FAM169A: variants seen among roughly 807,000 people sequenced by gnomAD.
FAM169A encodes soluble lamin-associated protein of 75 kDa.
A neutral mutation model predicts 75.7 loss-of-function variants in FAM169A; 24 were observed. The observed-to-expected ratio is 0.32, with a 90% CI of 0.23 to 0.45. The LOEUF (loss-of-function observed/expected upper bound fraction) is 0.45, where lower values mean the gene tolerates loss of function less well. Ranked by LOEUF, FAM169A falls within the 20% of genes least tolerant of loss-of-function variation. The pLI is 1.00. For missense variants in FAM169A, 673 were observed against 784.0 expected (o/e 0.86, Z 1.69); for synonymous variants, 271 against 271.0 (o/e 1.00, Z 0.00).
rs1255487052 is a variant in FAM169A, at chr5:74,777,876, A to G, written c.*3584T>C. ...CATTTTTTCTAAGTTCTATAAATAT[A>G]TACTGGAAGTTTTAGAACACATACA... is the stretch of plus-strand genomic sequence containing the variant. On this transcript the variant is annotated 3_prime_UTR_variant, in exon 13 of 13. Transcript: ENST00000687041. 1 of 152,100 alleles carries G rather than the reference A, an allele frequency of 6.6e-6. No individual in the cohort carries two copies. Among genetic ancestry groups the G allele is most frequent in the African/African-American group, 2.4e-5 (1 of 41,454 alleles). 9.4% of individuals were successfully genotyped at this position (152,100 alleles called of 1,614,324 possible). A position where few individuals can be genotyped will look rare whatever the true frequency, so the allele number is the denominator to read the frequency against.
intron 5 of FAM169A, among the ~76,000 whole-genome samples, chr5:74,823,396 A>T (rs1246089094): frequency 1.3e-5 from 2 of 152,166 alleles, no homozygotes; most frequent in African/African-American, 2.4e-5. Context: ...CTACTTTTAA[A>T]TATCACTTTC....
intron 4 of FAM169A, among the ~76,000 whole-genome samples, chr5:74,836,030 T>C (rs1322697404): frequency 6.6e-6 from 1 of 152,234 alleles, no homozygotes; most frequent in Non-Finnish European, 1.5e-5. Flanking sequence ...TCTTGCCATT[T>C]CAGTGCTCTC....
At chr5:74,785,962 ATAAACAT>A (rs1483971826) in intron 11 of FAM169A, among the ~76,000 whole-genome samples, 3 of 152,158 alleles carry the variant, frequency 2.0e-5, no homozygotes, top group African/African-American at 7.2e-5. Context: ...CTATAAGGAG[ATAAACAT>A]TTGAGTCAGT....
intron 11 of FAM169A, among the ~76,000 whole-genome samples, chr5:74,785,733 G>A (rs1304881824): frequency 3.3e-5 from 5 of 152,214 alleles, no homozygotes; most frequent in Non-Finnish European, 5.9e-5. Flanking sequence ...CTGCACTCCA[G>A]CCTGCATGAC....
intron 1 of FAM169A, among the ~76,000 whole-genome samples, chr5:74,856,261 T>G (rs1243527843): frequency 6.6e-6 from 1 of 152,210 alleles, no homozygotes; most frequent in Admixed American, 6.5e-5. Flanking sequence ...CTTTGGCTAT[T>G]CTGGGGTCTT....
At chr5:74,799,005 T>A (rs1416478796) in intron 10 of FAM169A, 2 of 1,190,762 alleles carry the variant, frequency 1.7e-6, no homozygotes, top group Non-Finnish European at 2.5e-6. Context: ...TGTCACTGCA[T>A]CAGTTTTTAC....
intron 1 of FAM169A, among the ~76,000 whole-genome samples, chr5:74,862,805 G>A (rs186432675): frequency 4.6e-5 from 7 of 152,136 alleles, no homozygotes; most frequent in Admixed American, 1.3e-4. Flanking sequence ...TTCCCAACTC[G>A]TATTTTCAAA....
At chr5:74,782,803 A>G in intron 12 of FAM169A, 128 bp downstream of exon 12, 1 of 560,946 alleles carries the variant, frequency 1.8e-6, no homozygotes. Context: ...CAAATCTAGT[A>G]TAAAAGTTAA....
At chr5:74,839,141 A>G in intron 3 of FAM169A, 91 bp from the exon 4 acceptor site, 1 of 881,540 alleles carries the variant, frequency 1.1e-6, no homozygotes, top group Admixed American at 1.9e-5. Flanking sequence ...GTATCCATAT[A>G]CTTTATATTT....
chr5:74,837,038 C>T (rs1195076215), intron 4 of FAM169A, among the ~76,000 whole-genome samples: 1 of 152,028 alleles, frequency 6.6e-6, no homozygotes, highest in Non-Finnish European at 1.5e-5. Flanking sequence ...TTTGACTCCT[C>T]CTCTTTTCCC....
chr5:74,866,869 C>G (rs531668041), upstream of FAM169A: 1 of 985,396 alleles, frequency 1.0e-6, no homozygotes, highest in Admixed American at 6.1e-5. Context: ...GCAGAGGGCA[C>G]GGGCGAGGAC....
intron 5 of FAM169A, among the ~76,000 whole-genome samples, chr5:74,821,695 AAC>A (rs1477064695): frequency 1.3e-5 from 2 of 152,212 alleles, no homozygotes; most frequent in Non-Finnish European, 2.9e-5. Context: ...TGTTCAAATT[AAC>A]AGTTACACGT....
At chr5:74,856,814 A>C (rs551068171) in intron 1 of FAM169A, among the ~76,000 whole-genome samples, 1 of 136,354 alleles carries the variant, frequency 7.3e-6, no homozygotes, top group African/African-American at 3.1e-5. Context: ...ACATTTTAAG[A>C]AAAAAAAAAA....
chr5:74,840,647 G>A (rs1748812424), intron 2 of FAM169A, among the ~76,000 whole-genome samples: 1 of 151,564 alleles, frequency 6.6e-6, no homozygotes, highest in Non-Finnish European at 1.5e-5. Context: ...GGCTAACACA[G>A]TGAAACCCCA....
Position 74,847,095 on chromosome 5 carries a change from C to T in FAM169A, c.-3-5416G>A, listed in dbSNP as rs113181180. 2.0e-3 allele frequency among the ~76,000 whole-genome samples: 302 copies of T among 152,230 alleles called. 1 individual carries two copies. Among genetic ancestry groups the T allele is most frequent in the Admixed American group, 4.3e-3 (65 of 15,276 alleles). ...CACTTAAAATAACAAAAAACCAAAA[C>T]GCATTCTTCTCATCCCATCCCTGCT... On this transcript the variant is annotated intron_variant, in intron 1 of 12. Transcript: ENST00000687041.
intron 1 of FAM169A, among the ~76,000 whole-genome samples, chr5:74,863,988 TA>T (rs1252789588): frequency 6.6e-6 from 1 of 152,214 alleles, no homozygotes; most frequent in Non-Finnish European, 1.5e-5. Flanking sequence ...GACTCATCTC[TA>T]AATGTCCAAG....
rs1343556971 is a variant in FAM169A, at chr5:74,781,083, A to G, written c.*377T>C. The G allele has an allele frequency of 6.0e-6, 1 of 166,200 alleles. No individual in the cohort carries two copies. The highest frequency in any genetic ancestry group is 1.3e-5 in the Non-Finnish European group (1 of 77,354). 10.3% of individuals were successfully genotyped at this position (166,200 alleles called of 1,614,324 possible). A position where few individuals can be genotyped will look rare whatever the true frequency, so the allele number is the denominator to read the frequency against. On this transcript the variant is annotated 3_prime_UTR_variant, in exon 13 of 13. Transcript: ENST00000687041. ...AACCCTCACCAAGTTTTACTATTAAAACCCTTAGTATAAAAGATTTCTGTG... is the reference window on the plus strand; with the variant it reads ...AACCCTCACCAAGTTTTACTATTAAGACCCTTAGTATAAAAGATTTCTGTG...
chr5:74,848,054 CCAAAGGCCCAGACA>C (rs1372493358), intron 1 of FAM169A, among the ~76,000 whole-genome samples: 5 of 152,112 alleles, frequency 3.3e-5, no homozygotes, highest in African/African-American at 1.2e-4. Flanking sequence ...TTCCCTAATT[CCAAAGGCCCAGACA>C]CACACACACC....
At chr5:74,839,983 ACC>A in intron 3 of FAM169A, 89 bp downstream of exon 3, 2 of 632,412 alleles carry the variant, frequency 3.2e-6, no homozygotes, top group Non-Finnish European at 5.4e-6. Context: ...TAAAAAAAAA[ACC>A]AAATTCCTTC....
Sources: gnomAD v4.1 joint callset for allele counts (sites outside exome capture counted in the v4.1 genomes callset) on GRCh38, gnomAD v4.1.1 for gene constraint, MANE v1.5 for transcripts, NCBI Gene and HGNC (gene_info 2026-07-23, HGNC 2026-07-21) for gene names.